Variants in EPHB1 observed in about 807,000 individuals in gnomAD.
EPHB1 encodes the protein ephrin type-B receptor 1.
EPHB1 carries 30 observed loss-of-function variants against 94.4 expected under a neutral mutation model. The ratio of observed to expected loss-of-function variants is 0.32; its 90% CI spans 0.24 to 0.43. The LOEUF is 0.43. EPHB1 is among the 20% of genes least tolerant of loss of function. The pLI, the probability that EPHB1 is intolerant of heterozygous loss-of-function variation, is 1.00. For synonymous variants in EPHB1, 522 were observed against 489.1 expected (o/e 1.07, Z -0.89); for missense variants, 1,055 against 1,308.3 (o/e 0.81, Z 2.99).
At chr3:135,091,594 T>A (rs1180912221) in intron 3 of EPHB1, among the ~76,000 whole-genome samples, 1 of 152,124 alleles carries the variant, frequency 6.6e-6, no homozygotes, top group Non-Finnish European at 1.5e-5. Context: ...GCCCTGTCTG[T>A]CTGTAATTTG....
At chr3:135,158,989 C>G (rs1349075747) in intron 6 of EPHB1, among the ~76,000 whole-genome samples, 1 of 152,146 alleles carries the variant, frequency 6.6e-6, no homozygotes, top group East Asian at 1.9e-4. Flanking sequence ...TCAATTTGTT[C>G]AAATAACTGG....
At chr3:134,797,439 A>C (rs1240702496) in intron 1 of EPHB1, among the ~76,000 whole-genome samples, 2 of 152,224 alleles carry the variant, frequency 1.3e-5, no homozygotes, top group Non-Finnish European at 2.9e-5. Flanking sequence ...GGGTGGCGTC[A>C]TGCAGGTCCG....
chr3:134,998,566 A>G (rs778059194), intron 3 of EPHB1, among the ~76,000 whole-genome samples: 22 of 152,242 alleles, frequency 1.4e-4, no homozygotes, highest in Non-Finnish European at 2.6e-4. Context: ...GTTATATGTC[A>G]GTATTAAAGA....
At chr3:134,958,946 C>A (rs1484554432) in intron 3 of EPHB1, among the ~76,000 whole-genome samples, 1 of 152,150 alleles carries the variant, frequency 6.6e-6, no homozygotes, top group Admixed American at 6.5e-5. Context: ...GCTAGAAGCA[C>A]CCAAATTCCA....
chr3:135,089,846 T>C (rs1205937714), intron 3 of EPHB1, among the ~76,000 whole-genome samples: 1 of 152,238 alleles, frequency 6.6e-6, no homozygotes, highest in Non-Finnish European at 1.5e-5. Context: ...GTTCCTCACC[T>C]GCTGCTCCTT....
chr3:134,888,481 G>A (rs1233853635), intron 1 of EPHB1, among the ~76,000 whole-genome samples: 2 of 152,006 alleles, frequency 1.3e-5, no homozygotes, highest in African/African-American at 4.8e-5. Context: ...AGGCAGAGGC[G>A]GGCACATCAC....
intron 2 of EPHB1, among the ~76,000 whole-genome samples, chr3:134,940,257 A>C (rs1003666590): frequency 6.6e-6 from 1 of 152,224 alleles, no homozygotes; most frequent in East Asian, 1.9e-4. Flanking sequence ...GATGATGATC[A>C]TAATAATAAT....
Position 134,992,854 on chromosome 3 carries a change from GCTTGAATTC to G in EPHB1, c.805+40804_805+40812del, listed in dbSNP as rs1174806754. The stretch of plus-strand genomic sequence containing the variant: ...TATTGCTGTATTTGCTTCCCTGGGT[GCTTGAATTC>G]CATCCCTTCTGACCTAAACCACACT... On this transcript the variant is annotated intron_variant, in intron 3 of 15. Coordinates refer to ENST00000398015, the MANE Select transcript of EPHB1 (RefSeq NM_004441.5). Among the ~76,000 whole-genome samples, 3 of 152,262 alleles carry G rather than the reference GCTTGAATTC, an allele frequency of 2.0e-5. No individual in the cohort carries two copies. The South Asian group carries it at 6.2e-4, about 32-fold the overall frequency.
chr3:135,063,462 G>T (rs1242388159), intron 3 of EPHB1, among the ~76,000 whole-genome samples: 3 of 152,064 alleles, frequency 2.0e-5, no homozygotes, highest in Non-Finnish European at 4.4e-5. Context: ...TTGTAAAAGG[G>T]ATTGAATTCT....
At chr3:134,994,499 C>T (rs1023849653) in intron 3 of EPHB1, among the ~76,000 whole-genome samples, 1 of 152,238 alleles carries the variant, frequency 6.6e-6, no homozygotes, top group Non-Finnish European at 1.5e-5. Context: ...GCCTCTTCCA[C>T]GAAGGACCCT....
rs114779076 is a variant in EPHB1, at chr3:135,140,569, G to A, written c.1297+7520G>A. On this transcript the variant is annotated intron_variant, in intron 5 of 15. Transcript: ENST00000398015. ...ATCTTTCCTTTATCAGGCACCTTTG[G>A]GTGGGGAGCTGTGATTGCAGTTACC... is the stretch of plus-strand genomic sequence containing the variant. Among the ~76,000 whole-genome samples, 620 of 152,286 alleles carry A rather than the reference G, an allele frequency of 4.1e-3. 3 individuals carry two copies. Among genetic ancestry groups the A allele is most frequent in the African/African-American group, 0.014 (581 of 41,544 alleles).
At chr3:135,136,082 C>T (rs1029363600) in intron 5 of EPHB1, among the ~76,000 whole-genome samples, 6 of 152,082 alleles carry the variant, frequency 3.9e-5, no homozygotes, top group Admixed American at 1.3e-4. Context: ...GCAGGATGTC[C>T]CTTGTCTGTG....
intron 1 of EPHB1, among the ~76,000 whole-genome samples, chr3:134,899,560 T>C (rs1312241250): frequency 1.3e-5 from 2 of 152,230 alleles, no homozygotes; most frequent in South Asian, 2.1e-4. Context: ...AATAAATATC[T>C]TTCTAAATAT....
chr3:135,229,446 G>A (rs990331101), intron 12 of EPHB1, among the ~76,000 whole-genome samples: 1 of 152,180 alleles, frequency 6.6e-6, no homozygotes, highest in African/African-American at 2.4e-5. Flanking sequence ...GTTGGAGGGC[G>A]GGGGCAGGAA....
intron 3 of EPHB1, among the ~76,000 whole-genome samples, chr3:135,073,023 A>G (rs1209953205): frequency 6.6e-6 from 1 of 152,144 alleles, no homozygotes. Flanking sequence ...TTGTTTAATG[A>G]ATGGGACATT....
At chr3:135,180,018 G>A (rs753411980) in intron 10 of EPHB1, 36 bp downstream of exon 10, 1 of 1,611,816 alleles carries the variant, frequency 6.2e-7, no homozygotes, top group South Asian at 1.1e-5. Context: ...TGTTCTCCTG[G>A]TGTCCAAACA....
chr3:135,131,325 C>T (rs1158906748), intron 4 of EPHB1, among the ~76,000 whole-genome samples: 1 of 152,214 alleles, frequency 6.6e-6, no homozygotes, highest in African/African-American at 2.4e-5. Context: ...ACTGATTCAA[C>T]ACAGAATCCT....
intron 1 of EPHB1, among the ~76,000 whole-genome samples, chr3:134,919,746 G>A (rs1456456158): frequency 2.0e-5 from 3 of 152,130 alleles, no homozygotes; most frequent in Admixed American, 6.5e-5. Context: ...ACCCAGCCAC[G>A]CACACCCTTG....
chr3:134,868,878 G>T (rs748436408), intron 1 of EPHB1, among the ~76,000 whole-genome samples: 6 of 152,248 alleles, frequency 3.9e-5, no homozygotes, highest in Admixed American at 3.3e-4. Context: ...CCTTGCTGTC[G>T]TGCTGTGCCC....
Sources: allele counts gnomAD v4.1 joint callset (sites outside exome capture counted in the v4.1 genomes callset), GRCh38; gene constraint gnomAD v4.1.1; transcripts MANE v1.5; gene names NCBI Gene and HGNC (gene_info 2026-07-23, HGNC 2026-07-21).